The following LMNB2 variants were observed in gnomAD, a reference collection of about 807,000 sequenced individuals.
LMNB2 encodes the protein lamin B2.
A neutral mutation model predicts 69.3 loss-of-function variants in LMNB2; 17 were observed. The observed-to-expected ratio is 0.25, with a 90% confidence interval of 0.17 to 0.37. The LOEUF (loss-of-function observed/expected upper bound fraction) is 0.37. Ranked by LOEUF, LMNB2 falls within the 10% of genes least tolerant of loss-of-function variation. LMNB2 has a pLI of 1.00. For synonymous variants in LMNB2, 397 were observed against 389.3 expected (o/e 1.02, Z -0.23); for missense variants, 789 against 883.6 (o/e 0.89, Z 1.36).
intron 1 of LMNB2, among the ~76,000 whole-genome samples, chr19:2,446,313 A>G (rs995830329): frequency 6.6e-6 from 1 of 151,660 alleles, no homozygotes; most frequent in Non-Finnish European, 1.5e-5. Context: ...GGCAGAAGCG[A>G]CTGGAACACC....
chr19:2,454,069 G>A (rs902089647), intron 1 of LMNB2, among the ~76,000 whole-genome samples: 1 of 152,060 alleles, frequency 6.6e-6, no homozygotes, highest in Non-Finnish European at 1.5e-5. Context: ...GAGGCAGGCA[G>A]ATCACCTGAG....
At chr19:2,444,880 A>G (rs1244239855) in intron 1 of LMNB2, among the ~76,000 whole-genome samples, 1 of 152,194 alleles carries the variant, frequency 6.6e-6, no homozygotes, top group Non-Finnish European at 1.5e-5. Context: ...TGGAGACCAA[A>G]GGCCCTGGGC....
chr19:2,434,800 G>T lies in LMNB2; in HGVS notation c.969C>A (p.Gly323=), dbSNP rs563690925. Residue 323 remains glycine, a synonymous_variant, in exon 6 of 12, where the codon GGC becomes GGA. Coordinates refer to ENST00000325327, the MANE Select transcript of LMNB2 (RefSeq NM_032737.4). ...CTGTGCTCATCACCTGCTTCTGGAG[G>T]CCGGAGAGCTGGTAGCTGAGGGACT... ...RLESLSYQLS[G]LQKQASAAED... 3.1e-6 allele frequency: 5 copies of T among 1,607,250 alleles called. No homozygotes were observed. The East Asian group carries it at 1.1e-4, about 36-fold the overall frequency.
Position 2,453,487 on chromosome 19 carries a change from C to T in LMNB2, c.264+3183G>A, listed in dbSNP as rs1042436130. Among the ~76,000 whole-genome samples, 1 of 152,068 alleles carries T rather than the reference C, an allele frequency of 6.6e-6. No individual in the cohort carries two copies. Among genetic ancestry groups the T allele is most frequent in the African/African-American group, 2.4e-5 (1 of 41,418 alleles). On this transcript the variant is annotated intron_variant, in intron 1 of 11. Transcript: ENST00000325327. This position sits in a 1 kb window ranked among gnomAD's most constrained non-coding sequence, Gnocchi z 4.4. ...AGCGGCCCCCACCCCAGCAGGCTTC[C>T]AACTCTGCTCCCCACTAGCCGGGTT... is the stretch of plus-strand genomic sequence containing the variant.
In LMNB2 at chr19:2,438,168, C is replaced by T. The variant is rs1971849924; in HGVS notation, c.679G>A (p.Glu227Lys). 2 of 1,613,920 alleles carry T rather than the reference C, an allele frequency of 1.2e-6. No individual in the cohort carries two copies. Among genetic ancestry groups the T allele is most frequent in the Non-Finnish European group, 1.7e-6 (2 of 1,180,044 alleles). ...EELDFRKSVFEEEVRETRRRH... is the reference protein window; with the variant it reads ...EELDFRKSVFKEEVRETRRRH... ...AGGCCAGGCCACTCACTCACCTCCT[C>T]GAACACACTCTTCCGGAAGTCCAGC... Residue 227 changes from glutamate to lysine, a missense_variant, in exon 4 of 12, where the codon GAG becomes AAG. Physicochemically the swap from Glu to Lys is moderately conservative, Grantham distance 56. Coordinates refer to ENST00000325327, the MANE Select transcript of LMNB2 (RefSeq NM_032737.4).
Position 2,430,932 on chromosome 19 carries a change from T to C in LMNB2, c.1842A>G (p.Ser614=), listed in dbSNP as rs1249699732. Residue 614 remains serine, a synonymous_variant, in exon 12 of 12, where the codon TCA becomes TCG. Coordinates refer to ENST00000325327, the MANE Select transcript of LMNB2 (RefSeq NM_032737.4). ...FHQQGDPRTT[S]RGCYVM ...GGGTTCACATCACGTAGCAGCCTCT[T>C]GAGGTGGTCCTCGGGTCCCCCTGCA... 1.9e-6 allele frequency: 3 copies of C among 1,610,128 alleles called. No individual in the cohort carries two copies. The highest frequency in any genetic ancestry group is 2.7e-5 in the African/African-American group (2 of 74,830).
chr19:2,454,777 G>A (rs903531880), intron 1 of LMNB2, among the ~76,000 whole-genome samples: 1 of 152,038 alleles, frequency 6.6e-6, no homozygotes, highest in Non-Finnish European at 1.5e-5. Flanking sequence ...CCTGCCCCCC[G>A]TTCTGGAGTC....
In LMNB2 at chr19:2,456,936, A is replaced by G; in HGVS notation, c.-3T>C. On this transcript the variant is annotated 5_prime_UTR_variant, in exon 1 of 12. Coordinates refer to ENST00000325327, the MANE Select transcript of LMNB2 (RefSeq NM_032737.4). ...CGGCCCGGGCTCGGCGGGCTCATTCAATCCGCGCCGCCGGCTGCAAGATGG... is the reference window on the plus strand; with the variant it reads ...CGGCCCGGGCTCGGCGGGCTCATTCGATCCGCGCCGCCGGCTGCAAGATGG... The G allele has an allele frequency of 1.0e-6, 1 of 987,744 alleles. No homozygotes were observed. Among genetic ancestry groups the G allele is most frequent in the Non-Finnish European group, 1.2e-6 (1 of 833,870 alleles). The allele number at this position is 987,744 out of a possible 1,614,324, so 61.2% of individuals were successfully genotyped here.
Position 2,453,528 on chromosome 19 carries a change from G to A in LMNB2, c.264+3142C>T, listed in dbSNP as rs546150418. On this transcript the variant is annotated intron_variant, in intron 1 of 11. Coordinates refer to ENST00000325327, the MANE Select transcript of LMNB2 (RefSeq NM_032737.4). This position sits in a 1 kb window ranked among gnomAD's most constrained non-coding sequence, Gnocchi z 4.4. ...TAGCCGGGTTCCTGGCCCACTAGTC[G>A]CAGGCGGAACTCCCAGCTGTCCCCT... 2.0e-5 allele frequency among the ~76,000 whole-genome samples: 3 copies of A among 152,032 alleles called. No homozygotes were observed. The highest frequency in any genetic ancestry group is 6.5e-5 in the Admixed American group (1 of 15,276).
intron 2 of LMNB2, 54 bp downstream of exon 2, chr19:2,444,350 C>T: frequency 6.2e-7 from 1 of 1,609,156 alleles, no homozygotes; most frequent in Non-Finnish European, 8.5e-7. Context: ...CTGCCCCCGT[C>T]CACCCCGTGG....
At chr19:2,439,681 G>C (rs1279511327) in intron 2 of LMNB2, among the ~76,000 whole-genome samples, 1 of 151,928 alleles carries the variant, frequency 6.6e-6, no homozygotes, top group Non-Finnish European at 1.5e-5. Flanking sequence ...CCAGAGGTCA[G>C]AAGTGACAGG....
chr19:2,449,577 C>G (rs1048941570), intron 1 of LMNB2, among the ~76,000 whole-genome samples: 1 of 151,914 alleles, frequency 6.6e-6, no homozygotes, highest in Non-Finnish European at 1.5e-5. Context: ...GTCAGCAGTT[C>G]GAGACCAGCC....
At chr19:2,434,231 G>A (rs1423248751) in intron 7 of LMNB2, 64 bp downstream of exon 7, 16 of 1,520,970 alleles carry the variant, frequency 1.1e-5, no homozygotes, top group African/African-American at 2.9e-5. Flanking sequence ...GCCCCGTCCC[G>A]CCTCTCCTCC....
At chr19:2,436,094 C>A (rs1473448194) in intron 4 of LMNB2, among the ~76,000 whole-genome samples, 2 of 152,120 alleles carry the variant, frequency 1.3e-5, no homozygotes, top group East Asian at 3.9e-4. Flanking sequence ...ACCAGCCTGA[C>A]AAACATGGTG....
intron 4 of LMNB2, among the ~76,000 whole-genome samples, chr19:2,435,784 C>T (rs540393032): frequency 6.6e-6 from 1 of 151,600 alleles, no homozygotes; most frequent in East Asian, 2.0e-4. Flanking sequence ...CACCATTGCA[C>T]TCCAACCTGG....
chr19:2,434,677 C>G, intron 6 of LMNB2, 111 bp downstream of exon 6: 1 of 1,511,508 alleles, frequency 6.6e-7, no homozygotes, highest in Non-Finnish European at 8.8e-7. Context: ...GCTGGGCGCC[C>G]CGAGGGCTGC....
intron 1 of LMNB2, among the ~76,000 whole-genome samples, chr19:2,450,109 T>TATACATATAC (rs769497368): frequency 3.5e-5 from 5 of 143,164 alleles, no homozygotes; most frequent in African/African-American, 1.4e-4. Context: ...TACATATACA[T>TATACATATAC]ATATATATAC....
intron 1 of LMNB2, among the ~76,000 whole-genome samples, chr19:2,452,649 C>A (rs936848294): frequency 6.6e-6 from 1 of 151,860 alleles, no homozygotes; most frequent in African/African-American, 2.4e-5. Flanking sequence ...TTGCTTGAAC[C>A]TGGGAGGCAG....
At chr19:2,434,555 G>C in intron 6 of LMNB2, 40 bp from the exon 7 acceptor site, 1 of 1,591,238 alleles carries the variant, frequency 6.3e-7, no homozygotes, top group Non-Finnish European at 8.6e-7. Flanking sequence ...GGCAGCCCAT[G>C]GGTCACAAGG....
Sources: allele counts gnomAD v4.1 joint callset (sites outside exome capture counted in the v4.1 genomes callset), GRCh38; gene constraint gnomAD v4.1.1; non-coding constraint Gnocchi (gnomAD v3.1); transcripts MANE v1.5; gene names NCBI Gene and HGNC (gene_info 2026-07-23, HGNC 2026-07-21).